HCN4: variants seen among roughly 807,000 people sequenced by gnomAD.
HCN4 encodes hyperpolarization activated cyclic nucleotide gated potassium channel 4.
Under a neutral mutation model 76.9 loss-of-function variants are expected in HCN4, and 29 were observed. The observed-to-expected ratio is 0.38, with a 90% CI of 0.28 to 0.51. The LOEUF is 0.51. HCN4 is among the 20% of genes least tolerant of loss of function. The pLI is 0.90. For synonymous variants in HCN4, 772 were observed against 762.5 expected (o/e 1.01, Z -0.21); for missense variants, 1,416 against 1,715.2 (o/e 0.83, Z 3.08).
chr15:73,339,055 T>C (rs560985136), intron 2 of HCN4, among the ~76,000 whole-genome samples: 4 of 152,322 alleles, frequency 2.6e-5, no homozygotes, highest in African/African-American at 9.6e-5. Context: ...CTCCAGCCCC[T>C]CTTTGGCCAC....
In HCN4 at chr15:73,349,558, C is replaced by G. The variant is rs1165379867; in HGVS notation, c.786-5750G>C. On this transcript the variant is annotated intron_variant, in intron 1 of 7. Coordinates refer to ENST00000261917, the MANE Select transcript of HCN4 (RefSeq NM_005477.3). ...TTTATTACTCCCAAACTCTGTCCCT[C>G]CCCAAGCTCCTTGTCTCCCTCCCAG... Among the ~76,000 whole-genome samples, 5 of 152,242 alleles carry G rather than the reference C, an allele frequency of 3.3e-5. No individual in the cohort carries two copies. In the East Asian group the frequency reaches 5.8e-4, roughly 18 times the overall value.
chr15:73,358,826 G>A (rs1567796199), intron 1 of HCN4, among the ~76,000 whole-genome samples: 1 of 152,116 alleles, frequency 6.6e-6, no homozygotes, highest in Non-Finnish European at 1.5e-5. Flanking sequence ...CTTGCTCCAG[G>A]ATGCCTTCCC....
rs1282790407 is a variant in HCN4, at chr15:73,343,578, T to C, written c.1016A>G (p.Lys339Arg). ...DPQRIKMKYL[K>R]SWFMVDFISS... ...AATGAAATCTACCATGAACCAGCTT[T>C]TCAGGTACTTCATTTTAATCCGCTG... Residue 339 changes from lysine (K) to arginine (R), a missense_variant, in exon 2 of 8, where the codon AAA (lysine) becomes AGA (arginine). This residue lies in a region of HCN4 where 23 missense variants were observed against 19.1 expected (regional missense o/e 1.21). Coordinates refer to ENST00000261917, the MANE Select transcript of HCN4 (RefSeq NM_005477.3). The surrounding 1 kb of genome is among the most constrained non-coding windows in gnomAD (Gnocchi z 5.7). 1 of 1,614,108 alleles carries C rather than the reference T, an allele frequency of 6.2e-7. No homozygotes were observed. Among genetic ancestry groups the C allele is most frequent in the South Asian group, 1.1e-5 (1 of 91,066 alleles).
Position 73,322,252 on chromosome 15 carries a change from C to T in HCN4, c.*229G>A, listed in dbSNP as rs2042863519. The T allele has an allele frequency of 2.2e-6, 1 of 453,214 alleles. No homozygotes were observed. The highest frequency in any genetic ancestry group is 3.4e-5 in the Admixed American group (1 of 29,644). The allele number at this position is 453,214 out of a possible 1,614,324, so 28.1% of individuals were successfully genotyped here. A position where few individuals can be genotyped will look rare whatever the true frequency, so the allele number is the denominator to read the frequency against. ...GGACCTGCCTGCTCCCTCCTCCCTC[C>T]CCCTCCCTCCCTCTAGTGCTGAGTA... On this transcript the variant is annotated 3_prime_UTR_variant, in exon 8 of 8. Transcript: ENST00000261917.
At position 73,325,333 on chromosome 15, in the gene HCN4, T is replaced by C. The variant is rs747807457; in HGVS notation, c.1702A>G (p.Ser568Gly). Residue 568 changes from serine to glycine, a missense_variant, in exon 5 of 8, where the codon AGC (serine) becomes GGC (glycine). Physicochemically the swap from Ser to Gly is moderately conservative, Grantham distance 56 (BLOSUM62 0). Around this residue, in one of 6 missense-constraint regions of HCN4, gnomAD observed 241 missense variants for 379.4 expected, o/e 0.64. Transcript: ENST00000261917. This position sits in a 1 kb window ranked among gnomAD's most constrained non-coding sequence, Gnocchi z 7.4. ...GGCTCGCTTAGCTCGCCCAGGATGCTCTCCTCGTCGAACATCTTGCCCTGG... is the reference window on the plus strand; with the variant it reads ...GGCTCGCTTAGCTCGCCCAGGATGCCCTCCTCGTCGAACATCTTGCCCTGG... Reference protein sequence around the residue: ...RYQGKMFDEESILGELSEPLR... With the variant: ...RYQGKMFDEEGILGELSEPLR... 2 of 1,613,820 alleles carry C rather than the reference T, an allele frequency of 1.2e-6. No individual in the cohort carries two copies. The highest frequency in any genetic ancestry group is 1.7e-6 in the Non-Finnish European group (2 of 1,179,970).
chr15:73,362,798 G>C (rs2043111088), intron 1 of HCN4, among the ~76,000 whole-genome samples: 1 of 152,298 alleles, frequency 6.6e-6, no homozygotes, highest in East Asian at 1.9e-4. Flanking sequence ...GGCCAAGCAG[G>C]GGAGAAGGTA....
chr15:73,346,334 A>T (rs2043029639), intron 1 of HCN4, among the ~76,000 whole-genome samples: 1 of 152,236 alleles, frequency 6.6e-6, no homozygotes, highest in South Asian at 2.1e-4. Context: ...GTACCTGACT[A>T]GCAGCACTGT....
intron 1 of HCN4, among the ~76,000 whole-genome samples, chr15:73,352,060 G>A (rs75551899): frequency 2.4e-4 from 37 of 152,326 alleles, no homozygotes; most frequent in African/African-American, 8.7e-4. Flanking sequence ...CCTCACAGGC[G>A]CTGCCCTGGC....
In HCN4 at chr15:73,367,371, C is replaced by CT; in HGVS notation, c.785+114dup. 1 of 1,518,846 alleles carries CT rather than the reference C, an allele frequency of 6.6e-7. No homozygotes were observed. The highest frequency in any genetic ancestry group is 8.9e-7 in the Non-Finnish European group (1 of 1,126,704). 94.1% of individuals were successfully genotyped at this position (1,518,846 alleles called of 1,614,324 possible). On this transcript the variant is annotated intron_variant, in intron 1 of 7. Coordinates refer to ENST00000261917, the MANE Select transcript of HCN4 (RefSeq NM_005477.3). The surrounding 1 kb of genome is among the most constrained non-coding windows in gnomAD (Gnocchi z 7.5). ...CGGAGCCTAGAGGCGCCCTGCCTCT[C>CT]TTGGAGCTCCCAGCGCAAGGCAGGA...
At position 73,323,118 on chromosome 15, in the gene HCN4, C is replaced by A. The variant is rs754083717; in HGVS notation, c.2975G>T (p.Ser992Ile). The A allele has an allele frequency of 1.1e-5, 18 of 1,594,010 alleles. No individual in the cohort carries two copies. Among genetic ancestry groups the A allele is most frequent in the South Asian group, 2.3e-5 (2 of 87,996 alleles). Residue 992 changes from serine to isoleucine, a missense_variant, in exon 8 of 8, where the codon AGC becomes ATC. Transcript: ENST00000261917. ...LSLGLATGPL[S>I]TPETPPRQPE... is the part of the protein sequence containing the mutation. ...CTGCCGTGGGGGTGTCTCTGGCGTG[C>A]TCAGTGGGCCAGTGGCCAGACCTAG... is the stretch of plus-strand genomic sequence containing the variant.
intron 4 of HCN4, among the ~76,000 whole-genome samples, chr15:73,327,265 G>A (rs1013191463): frequency 2.6e-5 from 4 of 151,728 alleles, no homozygotes; most frequent in Non-Finnish European, 4.4e-5. Context: ...GCACCACCAC[G>A]CCCAGCTAAT....
chr15:73,331,778 G>C (rs990188307), intron 3 of HCN4, among the ~76,000 whole-genome samples: 2 of 152,124 alleles, frequency 1.3e-5, no homozygotes, highest in African/African-American at 2.4e-5. Flanking sequence ...GGCTTCTAAG[G>C]GGCAGAGGCA....
intron 3 of HCN4, among the ~76,000 whole-genome samples, chr15:73,330,721 C>T (rs558278565): frequency 1.1e-3 from 170 of 152,292 alleles, no homozygotes; most frequent in African/African-American, 3.9e-3. Context: ...CGCAGGAGCC[C>T]GTGAGCTTCG....
intron 4 of HCN4, among the ~76,000 whole-genome samples, chr15:73,327,984 C>T (rs1482034708): frequency 6.6e-6 from 1 of 152,218 alleles, no homozygotes; most frequent in Admixed American, 6.5e-5. Context: ...GCTGACCCTA[C>T]TGTGTGCCAG....
chr15:73,328,051 C>G lies in HCN4; in HGVS notation c.1590+1522G>C, dbSNP rs1022528574. Among the ~76,000 whole-genome samples the G allele has an allele frequency of 6.6e-6, 1 of 152,120 alleles. No homozygotes were observed. Among genetic ancestry groups the G allele is most frequent in the African/African-American group, 2.4e-5 (1 of 41,418 alleles). ...GGGTCCTCCCCTCATGGAGCCGTGGCCTGGAGAGGGAAGGTGGGTTTGTTA... is the reference window on the plus strand; with the variant it reads ...GGGTCCTCCCCTCATGGAGCCGTGGGCTGGAGAGGGAAGGTGGGTTTGTTA... On this transcript the variant is annotated intron_variant, in intron 4 of 7. Transcript: ENST00000261917. The surrounding 1 kb of genome is among the most constrained non-coding windows in gnomAD (Gnocchi z 4.0).
Position 73,323,440 on chromosome 15 carries a change from CG to C in HCN4, c.2652del (p.Ala886ProfsTer14). 1.9e-6 allele frequency: 3 copies of C among 1,608,126 alleles called. No individual in the cohort carries two copies. On this transcript the variant is annotated frameshift_variant, in exon 8 of 8. Coordinates refer to ENST00000261917, the MANE Select transcript of HCN4 (RefSeq NM_005477.3). LOFTEE classifies it high-confidence loss of function. ...LLPSSSSSPPPGACGSPSAPT... is the reference protein window; with the variant it reads ...LLPSSSSSPPXGACGSPSAPT... ...GGAGCCGAGGGGGAGCCACAGGCCC[CG>C]GGGGGTGGGGAGGAGCTGGATGAGG...
Position 73,319,940 on chromosome 15 carries a change from C to T in HCN4, c.*2541G>A, listed in dbSNP as rs923973541. 4 of 152,116 alleles carry T rather than the reference C, an allele frequency of 2.6e-5. No homozygotes were observed. Among genetic ancestry groups the T allele is most frequent in the Non-Finnish European group, 4.4e-5 (3 of 68,046 alleles). The allele number at this position is 152,116 out of a possible 1,614,324, so 9.4% of individuals were successfully genotyped here. A position where few individuals can be genotyped will look rare whatever the true frequency, so the allele number is the denominator to read the frequency against. The stretch of plus-strand genomic sequence containing the variant: ...TGTTTTAAAAGTGGATTTGAAAATT[C>T]CTTGTAGGTGACTGGGTGTGGGAGG... On this transcript the variant is annotated 3_prime_UTR_variant, in exon 8 of 8. Transcript: ENST00000261917.
chr15:73,367,863 G>T lies in HCN4; in HGVS notation c.408C>A (p.Asp136Glu). The stretch of plus-strand genomic sequence containing the variant: ...GCGTCCTGTCCTCGCCGGGGGACGC[G>T]TCGCCCTCGGCGATGAGCCGCCGCT... ...AEERRLIAEG[D>E]ASPGEDRTPP... The change falls in exon 1 of 8, where the codon GAC becomes GAA. Residue 136 changes from aspartate (D) to glutamate (E), a missense_variant. By Grantham distance (45) the Asp-to-Glu change is conservative. This residue lies in a region of HCN4 where 355 missense variants were observed against 347.8 expected (regional missense o/e 1.02). Transcript: ENST00000261917. The surrounding 1 kb of genome is among the most constrained non-coding windows in gnomAD (Gnocchi z 7.5). 6.1e-6 allele frequency: 8 copies of T among 1,320,504 alleles called. No individual in the cohort carries two copies. The highest frequency in any genetic ancestry group is 7.7e-6 in the Non-Finnish European group (8 of 1,033,074). The allele number at this position is 1,320,504 out of a possible 1,614,324, so 81.8% of individuals were successfully genotyped here. A position where few individuals can be genotyped will look rare whatever the true frequency, so the allele number is the denominator to read the frequency against.
chr15:73,364,869 T>G (rs894908287), intron 1 of HCN4, among the ~76,000 whole-genome samples: 1 of 152,226 alleles, frequency 6.6e-6, no homozygotes, highest in Admixed American at 6.5e-5. Context: ...TGGGAGATGC[T>G]GGAAGCAGCC....
Sources: allele counts gnomAD v4.1 joint callset (sites outside exome capture counted in the v4.1 genomes callset), GRCh38; gene constraint gnomAD v4.1.1; regional missense constraint gnomAD v4.1.1; non-coding constraint Gnocchi (gnomAD v3.1); transcripts MANE v1.5; gene names NCBI Gene and HGNC (gene_info 2026-07-23, HGNC 2026-07-21).